Variants in MPP7 observed in about 807,000 individuals in gnomAD.
The protein encoded by MPP7 is MAGUK p55 scaffold protein 7.
A neutral mutation model predicts 76.5 loss-of-function variants in MPP7; 60 were observed. The ratio of observed to expected loss-of-function variants is 0.78; its 90% CI spans 0.64 to 0.97. MPP7 has a LOEUF of 0.97. Ranked by LOEUF, MPP7 falls within the 50% of genes least tolerant of loss-of-function variation. MPP7 has a pLI of 0.00. For synonymous variants in MPP7, 237 were observed against 244.5 expected (o/e 0.97, Z 0.29); for missense variants, 641 against 694.0 (o/e 0.92, Z 0.86).
chr10:28,174,840 C>T (rs1033988091), intron 3 of MPP7, among the ~76,000 whole-genome samples: 4 of 152,014 alleles, frequency 2.6e-5, no homozygotes, highest in African/African-American at 9.7e-5. Flanking sequence ...AAATGTCCAT[C>T]GACAGTTGAA....
Position 28,257,756 on chromosome 10 carries a change from A to G in MPP7, c.-131-19021T>C, listed in dbSNP as rs962855349. On this transcript the variant is annotated intron_variant, in intron 1 of 16. Transcript: ENST00000683449. Reference sequence around the variant, plus strand: ...AACTTAAAGTATAATAAAAAAAAAAAAAAAGAAAAGAAAGCTTGTTTCCAT... The same window carrying G: ...AACTTAAAGTATAATAAAAAAAAAAGAAAAGAAAAGAAAGCTTGTTTCCAT... Among the ~76,000 whole-genome samples, 285 of 140,762 alleles carry G rather than the reference A, an allele frequency of 2.0e-3. 1 individual carries two copies. Among genetic ancestry groups the G allele is most frequent in the South Asian group, 3.8e-3 (17 of 4,492 alleles). 92.3% of individuals were successfully genotyped at this position (140,762 alleles called of 152,430 possible).
At chr10:28,176,029 T>G (rs1448079732) in intron 3 of MPP7, among the ~76,000 whole-genome samples, 1 of 152,168 alleles carries the variant, frequency 6.6e-6, no homozygotes, top group Non-Finnish European at 1.5e-5. Flanking sequence ...ATAAGTTCAT[T>G]GATTACCTTT....
At chr10:28,114,596 C>T (rs1256751715) in intron 11 of MPP7, among the ~76,000 whole-genome samples, 41 of 152,152 alleles carry the variant, frequency 2.7e-4, no homozygotes, top group Admixed American at 2.6e-3. Flanking sequence ...AGTGGAGAAA[C>T]TGTGTCTATA....
chr10:28,194,106 C>T (rs1158746956), intron 3 of MPP7, among the ~76,000 whole-genome samples: 1 of 152,218 alleles, frequency 6.6e-6, no homozygotes, highest in Non-Finnish European at 1.5e-5. Context: ...CCTCCGCCTC[C>T]TGGATTCAAG....
intron 6 of MPP7, among the ~76,000 whole-genome samples, chr10:28,125,682 T>C (rs1015025399): frequency 2.0e-5 from 3 of 152,162 alleles, no homozygotes; most frequent in African/African-American, 7.2e-5. Flanking sequence ...ATTAGTTATA[T>C]TTGTTGCCTA....
rs554297032 is a variant in MPP7 at position 28,151,924 on chromosome 10, A to T, written c.157-1865T>A. The stretch of plus-strand genomic sequence containing the variant: ...GGGCATAGAAAGGAAGGCTGGAAAG[A>T]TATATAACAAATCGCAGTGACTGCT... On this transcript the variant is annotated intron_variant, in intron 3 of 16. Coordinates refer to ENST00000683449, the MANE Select transcript of MPP7 (RefSeq NM_001318170.2). Among the ~76,000 whole-genome samples, 15 of 152,282 alleles carry T rather than the reference A, an allele frequency of 9.9e-5. 1 individual carries two copies. In the South Asian group the frequency reaches 2.9e-3, roughly 29 times the overall value.
chr10:28,151,155 G>A (rs1373547265), intron 3 of MPP7, among the ~76,000 whole-genome samples: 1 of 152,132 alleles, frequency 6.6e-6, no homozygotes, highest in Non-Finnish European at 1.5e-5. Flanking sequence ...ATTCTGATTA[G>A]CCAGATGCTA....
chr10:28,273,822 C>G (rs1840403460), intron 1 of MPP7, among the ~76,000 whole-genome samples: 1 of 152,144 alleles, frequency 6.6e-6, no homozygotes. Flanking sequence ...GCATGTATCT[C>G]AGAATGTTGA....
intron 1 of MPP7, among the ~76,000 whole-genome samples, chr10:28,275,030 T>A (rs1840448372): frequency 6.6e-6 from 1 of 152,186 alleles, no homozygotes; most frequent in Admixed American, 6.5e-5. Context: ...GAAATCGGCT[T>A]AAATGTCCAT....
At chr10:28,219,976 C>T (rs1838445345) in intron 2 of MPP7, among the ~76,000 whole-genome samples, 1 of 152,106 alleles carries the variant, frequency 6.6e-6, no homozygotes, top group Non-Finnish European at 1.5e-5. Flanking sequence ...GAGAGGCAAT[C>T]TCTTTCTCAC....
Position 28,221,824 on chromosome 10 carries a change from A to T in MPP7, c.37+16744T>A, listed in dbSNP as rs58432720. ...CTAGGTGATTCGAGTGCTGCACTAT[A>T]TCGGAAAGAGAAGTTTAACATTTAA... On this transcript the variant is annotated intron_variant, in intron 2 of 16. Coordinates refer to ENST00000683449, the MANE Select transcript of MPP7 (RefSeq NM_001318170.2). Among the ~76,000 whole-genome samples the T allele has an allele frequency of 4.4e-3, 676 of 152,322 alleles. 10 individuals carry two copies. Among genetic ancestry groups the T allele is most frequent in the African/African-American group, 0.014 (594 of 41,578 alleles).
At chr10:28,256,884 T>A (rs1175169611) in intron 1 of MPP7, among the ~76,000 whole-genome samples, 3 of 152,228 alleles carry the variant, frequency 2.0e-5, no homozygotes, top group Admixed American at 1.3e-4. Flanking sequence ...TAAGTCATCT[T>A]CCCCCATGCC....
At chr10:28,280,401 T>C (rs1052409860) in intron 1 of MPP7, among the ~76,000 whole-genome samples, 1 of 151,994 alleles carries the variant, frequency 6.6e-6, no homozygotes, top group Non-Finnish European at 1.5e-5. Context: ...GCTATGTAAA[T>C]AGTTGTTATA....
Position 28,170,314 on chromosome 10 carries a change from C to T in MPP7, c.157-20255G>A, listed in dbSNP as rs369554335. 2.6e-5 allele frequency among the ~76,000 whole-genome samples: 4 copies of T among 151,900 alleles called. 1 individual carries two copies. Among genetic ancestry groups the T allele is most frequent in the African/African-American group, 9.6e-5 (4 of 41,452 alleles). On this transcript the variant is annotated intron_variant, in intron 3 of 16. Coordinates refer to ENST00000683449, the MANE Select transcript of MPP7 (RefSeq NM_001318170.2). The stretch of plus-strand genomic sequence containing the variant: ...TGTAGTCATTATCCCACAAATATCA[C>T]CTTTCCTCTATTTTCTCTTTTTTTT...
intron 5 of MPP7, among the ~76,000 whole-genome samples, chr10:28,146,449 TGGAG>T (rs1835709462): frequency 6.7e-6 from 1 of 150,252 alleles, no homozygotes; most frequent in Non-Finnish European, 1.5e-5. Flanking sequence ...TCGCCCAGGC[TGGAG>T]TGCAGTGGCA....
At chr10:28,151,440 T>A (rs552702323) in intron 3 of MPP7, among the ~76,000 whole-genome samples, 9 of 152,342 alleles carry the variant, frequency 5.9e-5, no homozygotes, top group African/African-American at 2.2e-4. Flanking sequence ...TAAATAATTA[T>A]CGAGAATTAA....
At chr10:28,282,290 A>G (rs780170708) in intron 1 of MPP7, among the ~76,000 whole-genome samples, 11 of 152,064 alleles carry the variant, frequency 7.2e-5, no homozygotes, top group Non-Finnish European at 1.6e-4. Flanking sequence ...CTTGGCTGAT[A>G]AAATAGGAAC....
chr10:28,086,304 T>TAAAG (rs984725582), intron 12 of MPP7, among the ~76,000 whole-genome samples: 2 of 151,278 alleles, frequency 1.3e-5, no homozygotes, highest in African/African-American at 4.9e-5. Flanking sequence ...TAAAGGAAAG[T>TAAAG]AAAGAAAGAA....
chr10:28,182,184 C>CAA (rs67403792), intron 3 of MPP7, among the ~76,000 whole-genome samples: 19 of 151,162 alleles, frequency 1.3e-4, no homozygotes, highest in South Asian at 4.2e-4. Context: ...ATAACCAAAG[C>CAA]AAAAAAAATA....
Sources: gnomAD v4.1 joint callset for allele counts (sites outside exome capture counted in the v4.1 genomes callset) on GRCh38, gnomAD v4.1.1 for gene constraint, MANE v1.5 for transcripts, NCBI Gene and HGNC (gene_info 2026-07-23, HGNC 2026-07-21) for gene names.